THRB: variants seen among roughly 807,000 people sequenced by gnomAD.
THRB encodes the protein thyroid hormone receptor beta.
In THRB, 12 loss-of-function variants were observed where a neutral mutation model predicts 47.8. The ratio of observed to expected loss-of-function variants is 0.25; its 90% CI spans 0.16 to 0.41. The LOEUF (loss-of-function observed/expected upper bound fraction) is 0.41, where lower values mean the gene tolerates loss of function less well. Among genes scored for constraint, THRB ranks in the 10% least tolerant of loss-of-function variants. The probability of loss-of-function intolerance (pLI) is 1.00; values close to 1 mark genes in which losing one functional copy is unlikely to be tolerated. For synonymous variants in THRB, 218 were observed against 212.2 expected, an observed-to-expected ratio of 1.03 and a Z score of -0.24; for missense variants, 348 against 589.2, an observed-to-expected ratio of 0.59 and a Z score of 4.24.
rs2031796437 is a variant in THRB, at chr3:24,122,125, TA to T, written c.*758del. ...AAGCCTTCCTACTGTGAGGTAATACTATGTGAATTTTTGGAAACCATGCAGT... is the reference window on the plus strand; with the variant it reads ...AAGCCTTCCTACTGTGAGGTAATACTTGTGAATTTTTGGAAACCATGCAGT... On this transcript the variant is annotated 3_prime_UTR_variant, in exon 11 of 11. Transcript: ENST00000646209. 1 of 152,854 alleles carries T rather than the reference TA, an allele frequency of 6.5e-6. No individual in the cohort carries two copies. Among genetic ancestry groups the T allele is most frequent in the South Asian group, 2.1e-4 (1 of 4,834 alleles). The allele number at this position is 152,854 out of a possible 1,614,324, so 9.5% of individuals were successfully genotyped here.
intron 1 of THRB, among the ~76,000 whole-genome samples, chr3:24,490,902 G>A (rs1231693197): frequency 1.6e-4 from 24 of 152,100 alleles, no homozygotes; most frequent in Admixed American, 1.5e-3. Flanking sequence ...TCATTATTAT[G>A]TCTTCTGCAA....
At chr3:24,205,438 A>G (rs2045212492) in intron 4 of THRB, among the ~76,000 whole-genome samples, 1 of 152,240 alleles carries the variant, frequency 6.6e-6, no homozygotes, top group African/African-American at 2.4e-5. Context: ...TCCTTTACAG[A>G]GAAGCAAATG....
At chr3:24,289,160 A>G (rs759866740) in intron 3 of THRB, among the ~76,000 whole-genome samples, 1 of 152,200 alleles carries the variant, frequency 6.6e-6, no homozygotes, top group Non-Finnish European at 1.5e-5. Flanking sequence ...CGAGGGCTTC[A>G]TTACTGCTGC....
intron 3 of THRB, among the ~76,000 whole-genome samples, chr3:24,258,018 G>T (rs756991699): frequency 4.6e-5 from 7 of 152,172 alleles, no homozygotes; most frequent in African/African-American, 7.2e-5. Context: ...AGTTTTCTGA[G>T]ATCAAATTGG....
intron 1 of THRB, among the ~76,000 whole-genome samples, chr3:24,448,544 A>G (rs17014722): frequency 0.026 from 3,939 of 152,302 alleles, 68 homozygotes; most frequent in South Asian, 0.076. Flanking sequence ...TCGGCTAGAG[A>G]AGCAGCCTTT....
At position 24,394,761 on chromosome 3, in the gene THRB, T is replaced by C. The variant is rs181576388; in HGVS notation, c.-260-57390A>G. Among the ~76,000 whole-genome samples, 875 of 152,218 alleles carry C rather than the reference T, an allele frequency of 5.7e-3. 35 individuals are homozygous for C. The highest frequency in any genetic ancestry group is 0.051 in the Admixed American group (772 of 15,262). ...AATGTATTTGTGTGGATTCGTGCAA[T>C]AAAGGAAGAACAATTCCTTTGAAAA... On this transcript the variant is annotated intron_variant, in intron 1 of 10. Transcript: ENST00000646209.
At chr3:24,384,589 T>C (rs1256427385) in intron 1 of THRB, among the ~76,000 whole-genome samples, 1 of 152,144 alleles carries the variant, frequency 6.6e-6, no homozygotes, top group Non-Finnish European at 1.5e-5. Flanking sequence ...CTCAGTATAA[T>C]TTCCACCCTT....
chr3:24,238,141 T>A (rs1033902904), intron 3 of THRB: 1 of 152,062 alleles, frequency 6.6e-6, no homozygotes, highest in South Asian at 2.1e-4. Context: ...AGGAAACGTC[T>A]GACAGCAGGA....
chr3:24,487,251 TATG>T (rs1458203003), intron 1 of THRB, among the ~76,000 whole-genome samples: 2 of 152,044 alleles, frequency 1.3e-5, no homozygotes, highest in Non-Finnish European at 2.9e-5. Context: ...GGTTAAAACA[TATG>T]AGCCTGATTT....
intron 5 of THRB, among the ~76,000 whole-genome samples, chr3:24,159,926 T>C (rs1296021021): frequency 6.6e-6 from 1 of 152,220 alleles, no homozygotes; most frequent in Admixed American, 6.5e-5. Flanking sequence ...TATAATATAT[T>C]ACTTTTCAAA....
intron 2 of THRB, among the ~76,000 whole-genome samples, chr3:24,314,630 A>T (rs2057989079): frequency 6.6e-6 from 1 of 152,178 alleles, no homozygotes. Context: ...TCTGTGCTTC[A>T]GTCCTTCTCA....
intron 4 of THRB, among the ~76,000 whole-genome samples, chr3:24,194,501 T>A (rs1451204060): frequency 6.6e-6 from 1 of 152,190 alleles, no homozygotes; most frequent in African/African-American, 2.4e-5. Context: ...TTTAATTAGT[T>A]ATGGTGAATT....
At chr3:24,176,672 T>C (rs887645483) in intron 5 of THRB, among the ~76,000 whole-genome samples, 1 of 152,144 alleles carries the variant, frequency 6.6e-6, no homozygotes, top group Admixed American at 6.6e-5. Flanking sequence ...AAAAACAGTA[T>C]ACTAAGAGAA....
At chr3:24,401,626 A>G (rs1393672720) in intron 1 of THRB, among the ~76,000 whole-genome samples, 2 of 152,050 alleles carry the variant, frequency 1.3e-5, no homozygotes, top group Non-Finnish European at 2.9e-5. Flanking sequence ...TTTTAAGTTT[A>G]GTGTTCTTAC....
intron 1 of THRB, among the ~76,000 whole-genome samples, chr3:24,489,926 TC>T (rs1697886915): frequency 6.6e-6 from 1 of 152,166 alleles, no homozygotes; most frequent in East Asian, 1.9e-4. Context: ...TATATTCAAC[TC>T]CCCTACTACT....
intron 1 of THRB, among the ~76,000 whole-genome samples, chr3:24,454,764 T>C (rs2073006530): frequency 2.0e-5 from 3 of 152,174 alleles, no homozygotes; most frequent in Admixed American, 1.3e-4. Context: ...ATAAGATGTA[T>C]AGAATTTTAG....
At chr3:24,415,543 A>G (rs2068665867) in intron 1 of THRB, among the ~76,000 whole-genome samples, 1 of 151,892 alleles carries the variant, frequency 6.6e-6, no homozygotes, top group Non-Finnish European at 1.5e-5. Flanking sequence ...AGGAAAAGGC[A>G]TGGTTGTCAA....
intron 1 of THRB, among the ~76,000 whole-genome samples, chr3:24,437,404 G>C (rs909030202): frequency 1.3e-5 from 2 of 152,038 alleles, no homozygotes; most frequent in Admixed American, 6.6e-5. Flanking sequence ...AAGATGAAGA[G>C]AAGTTGGTTA....
At chr3:24,334,214 A>G (rs1191959034) in intron 2 of THRB, among the ~76,000 whole-genome samples, 1 of 151,900 alleles carries the variant, frequency 6.6e-6, no homozygotes, top group African/African-American at 2.4e-5. Flanking sequence ...ATTATTTCAT[A>G]GTTCTTGCCC....
Sources: gnomAD v4.1 joint callset for allele counts (sites outside exome capture counted in the v4.1 genomes callset) on GRCh38, gnomAD v4.1.1 for gene constraint, MANE v1.5 for transcripts, NCBI Gene and HGNC (gene_info 2026-07-23, HGNC 2026-07-21) for gene names.